MAP4K5: variants seen among roughly 807,000 people sequenced by gnomAD.
The protein encoded by MAP4K5 is mitogen-activated protein kinase kinase kinase kinase 5.
MAP4K5 carries 82 observed loss-of-function variants against 135.6 expected under a neutral mutation model. That is an observed-to-expected ratio of 0.60 (90% CI 0.51 to 0.73). The LOEUF is 0.73. Among genes scored for constraint, MAP4K5 ranks in the 30% least tolerant of loss-of-function variants. The probability of loss-of-function intolerance (pLI) is 0.00; values close to 1 mark genes in which losing one functional copy is unlikely to be tolerated. For synonymous variants in MAP4K5, 347 were observed against 335.0 expected (o/e 1.04, Z -0.39); for missense variants, 907 against 1,010.9 (o/e 0.90, Z 1.39).
chr14:50,450,860 T>C (rs1469571263), intron 14 of MAP4K5, among the ~76,000 whole-genome samples: 6 of 152,294 alleles, frequency 3.9e-5, no homozygotes, highest in Admixed American at 3.3e-4. Flanking sequence ...ATGCTCAACA[T>C]TGTATTACAT....
chr14:50,479,027 T>A (rs1240561275), intron 6 of MAP4K5, among the ~76,000 whole-genome samples: 3 of 151,578 alleles, frequency 2.0e-5, no homozygotes, highest in Non-Finnish European at 2.9e-5. Context: ...TTTGTTGTTG[T>A]TGTTTTTTGT....
At chr14:50,445,923 A>G (rs2036336747) in intron 17 of MAP4K5, among the ~76,000 whole-genome samples, 156 bp downstream of exon 17, 1 of 152,166 alleles carries the variant, frequency 6.6e-6, no homozygotes, top group South Asian at 2.1e-4. Flanking sequence ...AATCTTCTTT[A>G]CTATATATTT....
intron 2 of MAP4K5, among the ~76,000 whole-genome samples, chr14:50,538,492 C>T (rs142874555): frequency 7.1e-4 from 108 of 152,280 alleles, no homozygotes; most frequent in African/African-American, 2.4e-3. Flanking sequence ...ATTTTGTCTG[C>T]AAATTCAATA....
chr14:50,457,753 T>G (rs1337876356), intron 13 of MAP4K5, among the ~76,000 whole-genome samples: 1 of 152,208 alleles, frequency 6.6e-6, no homozygotes, highest in African/African-American at 2.4e-5. Flanking sequence ...CTCACTCCCA[T>G]AACACTTGTT....
chr14:50,560,465 C>A, intron 1 of MAP4K5: 1 of 915,882 alleles, frequency 1.1e-6, no homozygotes, highest in Non-Finnish European at 1.7e-6. Context: ...GAACCATGGC[C>A]GAGCGGTACC....
chr14:50,472,789 T>A (rs974297428), intron 9 of MAP4K5, among the ~76,000 whole-genome samples: 1 of 152,172 alleles, frequency 6.6e-6, no homozygotes, highest in Admixed American at 6.5e-5. Flanking sequence ...GCAAAACAGG[T>A]AAGTTTCCAT....
At chr14:50,545,687 C>T (rs967729511) in intron 1 of MAP4K5, among the ~76,000 whole-genome samples, 3 of 152,122 alleles carry the variant, frequency 2.0e-5, no homozygotes, top group Admixed American at 6.5e-5. Flanking sequence ...GTTAGAAAGG[C>T]ACATGCGAGT....
chr14:50,503,659 T>G (rs1181134899), intron 3 of MAP4K5, among the ~76,000 whole-genome samples: 1 of 152,052 alleles, frequency 6.6e-6, no homozygotes, highest in East Asian at 1.9e-4. Flanking sequence ...CTGCAATTAT[T>G]TATGCATCAA....
chr14:50,559,816 T>G (rs2038812248), intron 1 of MAP4K5: 1 of 163,960 alleles, frequency 6.1e-6, no homozygotes, highest in Admixed American at 6.0e-5. Context: ...TGTTGCCAGC[T>G]TGTTTGTACT....
chr14:50,421,491 G>C (rs2035731346), intron 32 of MAP4K5, among the ~76,000 whole-genome samples: 1 of 151,784 alleles, frequency 6.6e-6, no homozygotes, highest in South Asian at 2.1e-4. Context: ...CGAACTCCTG[G>C]CCTCAGGTGA....
intron 2 of MAP4K5, among the ~76,000 whole-genome samples, chr14:50,540,653 T>A (rs2038549593): frequency 1.3e-5 from 2 of 152,136 alleles, no homozygotes; most frequent in Non-Finnish European, 2.9e-5. Flanking sequence ...GTGATTAAAG[T>A]AGAGATTTAA....
intron 1 of MAP4K5, among the ~76,000 whole-genome samples, chr14:50,558,267 G>A (rs1237655529): frequency 1.3e-5 from 2 of 152,238 alleles, no homozygotes; most frequent in Non-Finnish European, 2.9e-5. Flanking sequence ...GCTGAGGCAT[G>A]AGAATCGCTT....
intron 2 of MAP4K5, among the ~76,000 whole-genome samples, chr14:50,506,877 C>T (rs544055469): frequency 6.6e-6 from 1 of 152,304 alleles, no homozygotes; most frequent in Admixed American, 6.5e-5. Context: ...CTACCCTCTC[C>T]TCTTTCTGCC....
At chr14:50,536,053 C>T (rs1025630699), upstream of MAP4K5, among the ~76,000 whole-genome samples, 1 of 152,230 alleles carries the variant, frequency 6.6e-6, no homozygotes, top group African/African-American at 2.4e-5. Flanking sequence ...TGTGAGGCTT[C>T]GCAGCCACAT....
intron 2 of MAP4K5, among the ~76,000 whole-genome samples, chr14:50,528,629 G>A (rs1413725430): frequency 1.3e-5 from 2 of 152,010 alleles, no homozygotes; most frequent in South Asian, 2.1e-4. Flanking sequence ...AGGCTGAGGA[G>A]AGAGAATCCC....
chr14:50,484,286 A>G (rs1433983900), intron 5 of MAP4K5, among the ~76,000 whole-genome samples: 1 of 152,204 alleles, frequency 6.6e-6, no homozygotes, highest in Non-Finnish European at 1.5e-5. Context: ...AGAGGTAGTG[A>G]TCAGTGTTTA....
chr14:50,495,151 G>T (rs1429411843), intron 3 of MAP4K5, among the ~76,000 whole-genome samples: 1 of 152,108 alleles, frequency 6.6e-6, no homozygotes, highest in East Asian at 1.9e-4. Context: ...TAGAACAGGA[G>T]AAAATATTTT....
intron 2 of MAP4K5, among the ~76,000 whole-genome samples, chr14:50,514,216 T>C (rs1317851962): frequency 6.7e-6 from 1 of 150,082 alleles, no homozygotes; most frequent in African/African-American, 2.4e-5. Flanking sequence ...TAGCCGGGAC[T>C]AAGGCAGGCA....
At chr14:50,462,426 A>C (rs1026846894) in intron 13 of MAP4K5, among the ~76,000 whole-genome samples, 9 of 152,248 alleles carry the variant, frequency 5.9e-5, no homozygotes, top group Non-Finnish European at 8.8e-5. Flanking sequence ...AGTGTTAAGA[A>C]CTAATCCTAG....
Sources: gnomAD v4.1 joint callset for allele counts (sites outside exome capture counted in the v4.1 genomes callset) on GRCh38, gnomAD v4.1.1 for gene constraint, MANE v1.5 for transcripts, NCBI Gene and HGNC (gene_info 2026-07-23, HGNC 2026-07-21) for gene names.